PKN2: variants seen among roughly 807,000 people sequenced by gnomAD.
PKN2 encodes the protein protein kinase N2.
In PKN2, 38 loss-of-function variants were observed where a neutral mutation model predicts 119.1. That is an observed-to-expected ratio of 0.32 (90% CI 0.25 to 0.42). PKN2 has a LOEUF of 0.42. Among genes scored for constraint, PKN2 ranks in the 10% least tolerant of loss-of-function variants. PKN2 has a pLI of 1.00. For missense variants in PKN2, 850 were observed against 1,165.1 expected (o/e 0.73, Z 3.94); for synonymous variants, 390 against 384.9 (o/e 1.01, Z -0.15).
At chr1:88,818,453 GCCTGGCCAACATGGTGAAAC>G (rs1159165351) in intron 16 of PKN2, among the ~76,000 whole-genome samples, 1 of 151,884 alleles carries the variant, frequency 6.6e-6, no homozygotes, top group African/African-American at 2.4e-5. Context: ...TTTGAGACTA[GCCTGGCCAACATGGTGAAAC>G]CCCGTCTCTA....
In PKN2 at chr1:88,785,343, C is replaced by T. The variant is rs116376397; in HGVS notation, c.1171+519C>T. 6.1e-3 allele frequency among the ~76,000 whole-genome samples: 925 copies of T among 152,064 alleles called. 12 individuals are homozygous for T. The highest frequency in any genetic ancestry group is 0.022 in the African/African-American group (902 of 41,468). ...CTCACTATGTTGCCCAGGATGGTCT[C>T]GAACTCAGGGGCTCTAGCTGTCCTT... On this transcript the variant is annotated intron_variant, in intron 7 of 21. Coordinates refer to ENST00000370521, the MANE Select transcript of PKN2 (RefSeq NM_006256.4).
chr1:88,724,445 G>A (rs555783027), intron 1 of PKN2, among the ~76,000 whole-genome samples: 117 of 151,878 alleles, frequency 7.7e-4, no homozygotes, highest in African/African-American at 2.7e-3. Context: ...GTATCATCTT[G>A]TTATGCTACC....
At chr1:88,776,107 CA>C (rs61540217) in intron 6 of PKN2, among the ~76,000 whole-genome samples, 465 of 93,596 alleles carry the variant, frequency 5.0e-3, no homozygotes, top group African/African-American at 7.2e-3. Flanking sequence ...GACTCCGTCT[CA>C]AAAAAAAAAA....
chr1:88,761,233 A>G lies in PKN2; in HGVS notation c.504+857A>G, dbSNP rs865775633. Reference sequence around the variant, plus strand: ...AAGGTTCTCTTCAGCCTAAGGTTCTATAGTTTTAATAATTTCCAGAAATTC... The same window carrying G: ...AAGGTTCTCTTCAGCCTAAGGTTCTGTAGTTTTAATAATTTCCAGAAATTC... On this transcript the variant is annotated intron_variant, in intron 3 of 21. Coordinates refer to ENST00000370521, the MANE Select transcript of PKN2 (RefSeq NM_006256.4). Among the ~76,000 whole-genome samples, 4 of 152,318 alleles carry G rather than the reference A, an allele frequency of 2.6e-5. No individual in the cohort carries two copies. The South Asian group carries it at 6.2e-4, about 24-fold the overall frequency.
chr1:88,783,505 C>G (rs902759608), intron 6 of PKN2, among the ~76,000 whole-genome samples: 1 of 152,058 alleles, frequency 6.6e-6, no homozygotes, highest in Non-Finnish European at 1.5e-5. Context: ...AATTGGGAAG[C>G]TTTGTTTGTT....
chr1:88,770,830 C>T (rs1669864013), intron 4 of PKN2, among the ~76,000 whole-genome samples: 2 of 151,168 alleles, frequency 1.3e-5, no homozygotes, highest in Admixed American at 6.6e-5. Context: ...CGTGATCCGC[C>T]CGCCTCGGCC....
At chr1:88,753,056 C>G (rs1669062901) in intron 2 of PKN2, among the ~76,000 whole-genome samples, 1 of 152,128 alleles carries the variant, frequency 6.6e-6, no homozygotes, top group Admixed American at 6.5e-5. Flanking sequence ...ATCATGCATA[C>G]TTATCAAAGG....
chr1:88,770,862 G>A (rs1375033770), intron 4 of PKN2, among the ~76,000 whole-genome samples: 1 of 151,008 alleles, frequency 6.6e-6, no homozygotes, highest in Non-Finnish European at 1.5e-5. Context: ...TGGGATTACA[G>A]GCGTGAGCCA....
chr1:88,714,281 G>A (rs170039), intron 1 of PKN2, among the ~76,000 whole-genome samples: 17 of 152,044 alleles, frequency 1.1e-4, no homozygotes, highest in South Asian at 1.0e-3. Flanking sequence ...TTTTGGTTCC[G>A]TATGAACTTT....
intron 1 of PKN2, among the ~76,000 whole-genome samples, chr1:88,737,117 C>T (rs1386021499): frequency 6.6e-6 from 1 of 152,038 alleles, no homozygotes; most frequent in African/African-American, 2.4e-5. Context: ...GCCAGGACGG[C>T]CACCGTAATG....
chr1:88,731,174 G>A (rs1037840502), intron 1 of PKN2, among the ~76,000 whole-genome samples: 1 of 152,122 alleles, frequency 6.6e-6, no homozygotes, highest in Non-Finnish European at 1.5e-5. Context: ...TTGTATGATA[G>A]GGAAACCGAA....
intron 10 of PKN2, 77 bp from the exon 11 acceptor site, chr1:88,805,414 AATGGAT>A (rs1460922579): frequency 5.0e-6 from 6 of 1,203,760 alleles, no homozygotes; most frequent in African/African-American, 3.1e-5. Context: ...ATTATAAACT[AATGGAT>A]AAGAATTTTT....
chr1:88,738,042 T>A (rs1022406898), intron 1 of PKN2, among the ~76,000 whole-genome samples: 1 of 152,188 alleles, frequency 6.6e-6, no homozygotes, highest in Admixed American at 6.5e-5. Flanking sequence ...TATTCAGCCA[T>A]CTTGACTCTG....
chr1:88,785,293 T>G (rs1670525122), intron 7 of PKN2, among the ~76,000 whole-genome samples: 1 of 152,106 alleles, frequency 6.6e-6, no homozygotes, highest in Non-Finnish European at 1.5e-5. Flanking sequence ...CATGCCTGGC[T>G]AATTTTTTTT....
chr1:88,824,034 T>G (rs1303287066), intron 17 of PKN2, among the ~76,000 whole-genome samples: 1 of 147,434 alleles, frequency 6.8e-6, no homozygotes, highest in African/African-American at 2.5e-5. Flanking sequence ...AAGGATTAAA[T>G]TAGATTATCA....
intron 18 of PKN2, among the ~76,000 whole-genome samples, 166 bp downstream of exon 18, chr1:88,824,552 C>A (rs1183756672): frequency 1.3e-5 from 2 of 152,130 alleles, no homozygotes; most frequent in African/African-American, 4.8e-5. Context: ...CTAATTATCA[C>A]ATTAAGAATT....
intron 19 of PKN2, chr1:88,828,886 G>A: frequency 1.6e-6 from 1 of 609,480 alleles, no homozygotes; most frequent in South Asian, 1.7e-5. Flanking sequence ...CTGATTTTAA[G>A]ACATAGTCAT....
chr1:88,782,306 T>G (rs557486506), intron 6 of PKN2, among the ~76,000 whole-genome samples: 6 of 152,192 alleles, frequency 3.9e-5, no homozygotes, highest in Admixed American at 2.6e-4. Context: ...CTTCTGTTTC[T>G]TTGTTTAGTG....
chr1:88,758,819 G>A (rs1669322487), intron 2 of PKN2, among the ~76,000 whole-genome samples: 1 of 151,970 alleles, frequency 6.6e-6, no homozygotes, highest in African/African-American at 2.4e-5. Flanking sequence ...CCATGTCTTT[G>A]CTATTGTGAA....
Sources: gnomAD v4.1 joint callset for allele counts (sites outside exome capture counted in the v4.1 genomes callset) on GRCh38, gnomAD v4.1.1 for gene constraint, MANE v1.5 for transcripts, NCBI Gene and HGNC (gene_info 2026-07-23, HGNC 2026-07-21) for gene names.